Variants in SPAG16 observed in about 807,000 individuals in gnomAD.
SPAG16 encodes sperm associated antigen 16, also known as sperm-associated antigen 16 protein.
In SPAG16, 86 loss-of-function variants were observed where a neutral mutation model predicts 80.4. That is an observed-to-expected ratio of 1.07 (90% CI 0.90 to 1.28). The LOEUF (loss-of-function observed/expected upper bound fraction) is 1.28, where lower values mean the gene tolerates loss of function less well. Ranked by LOEUF, SPAG16 falls within the 50% of genes most tolerant of loss-of-function variation. The probability of loss-of-function intolerance (pLI) is 0.00; values close to 1 mark genes in which losing one functional copy is unlikely to be tolerated. For synonymous variants in SPAG16, 294 were observed against 265.9 expected, an observed-to-expected ratio of 1.11 and a Z score of -1.03; for missense variants, 870 against 765.3, an observed-to-expected ratio of 1.14 and a Z score of -1.61.
intron 12 of SPAG16, among the ~76,000 whole-genome samples, chr2:213,965,860 A>G (rs1043910953): frequency 6.6e-6 from 1 of 152,184 alleles, no homozygotes; most frequent in Non-Finnish European, 1.5e-5. Flanking sequence ...CTTATCTTGG[A>G]ATAACATAGC....
chr2:213,831,932 C>T (rs373892805), intron 10 of SPAG16, among the ~76,000 whole-genome samples: 3 of 152,112 alleles, frequency 2.0e-5, no homozygotes, highest in South Asian at 2.1e-4. Flanking sequence ...GCTCCAAACC[C>T]CATGCTGTTG....
intron 9 of SPAG16, among the ~76,000 whole-genome samples, chr2:213,487,553 A>G (rs187726924): frequency 5.5e-4 from 83 of 152,176 alleles, no homozygotes; most frequent in Non-Finnish European, 1.0e-3. Flanking sequence ...AAGTGAATCT[A>G]TGCTTAGATT....
At chr2:213,505,141 T>C (rs1454630912) in intron 10 of SPAG16, among the ~76,000 whole-genome samples, 1 of 152,190 alleles carries the variant, frequency 6.6e-6, no homozygotes, top group African/African-American at 2.4e-5. Context: ...AAGTAGACCT[T>C]TCTACTTGAC....
intron 9 of SPAG16, among the ~76,000 whole-genome samples, chr2:213,475,930 T>C (rs1182250555): frequency 6.6e-6 from 1 of 152,148 alleles, no homozygotes; most frequent in African/African-American, 2.4e-5. Flanking sequence ...ATTCCTGACA[T>C]GGTGGGAAAA....
chr2:213,625,490 G>A (rs572332581), intron 10 of SPAG16, among the ~76,000 whole-genome samples: 1 of 152,132 alleles, frequency 6.6e-6, no homozygotes, highest in Non-Finnish European at 1.5e-5. Context: ...CTCCCCATCT[G>A]TAGATTATCT....
At chr2:213,765,245 T>C (rs1383977601) in intron 10 of SPAG16, among the ~76,000 whole-genome samples, 1 of 152,152 alleles carries the variant, frequency 6.6e-6, no homozygotes, top group African/African-American at 2.4e-5. Flanking sequence ...GGTGCATGTC[T>C]GTAATCCCAG....
At chr2:214,352,947 G>T (rs1698521782) in intron 15 of SPAG16, among the ~76,000 whole-genome samples, 1 of 152,004 alleles carries the variant, frequency 6.6e-6, no homozygotes, top group African/African-American at 2.4e-5. Context: ...ATAGCTCTCT[G>T]CTGTGGGTTC....
At chr2:213,303,212 T>C (rs1000656373) in intron 3 of SPAG16, among the ~76,000 whole-genome samples, 2 of 152,042 alleles carry the variant, frequency 1.3e-5, no homozygotes, top group African/African-American at 2.4e-5. Flanking sequence ...GTACTTCTTA[T>C]GTAATGTCTT....
chr2:213,566,293 G>C (rs993924595), intron 10 of SPAG16, among the ~76,000 whole-genome samples: 1 of 152,076 alleles, frequency 6.6e-6, no homozygotes, highest in Non-Finnish European at 1.5e-5. Context: ...CTTAGAATCA[G>C]AAGTATTTAA....
chr2:213,556,203 A>G (rs1303946127), intron 10 of SPAG16, among the ~76,000 whole-genome samples: 4 of 151,814 alleles, frequency 2.6e-5, no homozygotes, highest in Admixed American at 2.6e-4. Flanking sequence ...CAACAATAAC[A>G]AAATGGCAGT....
intron 15 of SPAG16, among the ~76,000 whole-genome samples, chr2:214,373,317 C>G (rs1699929901): frequency 1.3e-5 from 2 of 152,096 alleles, no homozygotes; most frequent in African/African-American, 4.8e-5. Flanking sequence ...TTACAGTTTT[C>G]CTTTCATGAT....
chr2:213,297,471 T>C, intron 3 of SPAG16, 114 bp downstream of exon 3: 1 of 555,136 alleles, frequency 1.8e-6, no homozygotes, highest in Non-Finnish European at 3.2e-6. Flanking sequence ...TGTTATATCA[T>C]TTTCATCTCT....
chr2:214,045,722 C>T (rs1367002656), intron 13 of SPAG16, among the ~76,000 whole-genome samples: 1 of 152,030 alleles, frequency 6.6e-6, no homozygotes, highest in East Asian at 1.9e-4. Context: ...TACTAAGAGG[C>T]AAGTTTATAG....
In SPAG16 at chr2:214,317,928, T is replaced by C. The variant is rs1327308596; in HGVS notation, c.1721-92212T>C. ...TTTTTTAGAGTAATCAACATTCTTG[T>C]GAATCAGAAAGCCTTCAAGTATCTT... On this transcript the variant is annotated intron_variant, in intron 15 of 15. Transcript: ENST00000331683. 3.3e-5 allele frequency among the ~76,000 whole-genome samples: 5 copies of C among 152,366 alleles called. No homozygotes were observed. The East Asian group carries it at 9.6e-4, about 29-fold the overall frequency.
intron 12 of SPAG16, among the ~76,000 whole-genome samples, chr2:213,936,132 G>C (rs1027008609): frequency 1.4e-4 from 22 of 152,092 alleles, no homozygotes; most frequent in African/African-American, 5.1e-4. Context: ...AAGCCAAGCA[G>C]ATACTTGGGA....
chr2:213,991,965 G>A (rs1488080328), intron 12 of SPAG16, among the ~76,000 whole-genome samples: 4 of 151,906 alleles, frequency 2.6e-5, no homozygotes, highest in African/African-American at 7.3e-5. Context: ...ATGTTGCTGC[G>A]AGTAGGGCAG....
intron 15 of SPAG16, among the ~76,000 whole-genome samples, chr2:214,169,364 G>A (rs144516595): frequency 1.1e-4 from 17 of 151,902 alleles, no homozygotes; most frequent in East Asian, 3.9e-4. Context: ...AAAGTGTTGC[G>A]CTTAAAAGTG....
chr2:213,851,028 C>T (rs2074877378), intron 10 of SPAG16, among the ~76,000 whole-genome samples: 1 of 151,860 alleles, frequency 6.6e-6, no homozygotes, highest in Non-Finnish European at 1.5e-5. Context: ...CTTTATCCAA[C>T]CTGAAGACTT....
At chr2:213,482,280 T>C (rs1382486676) in intron 9 of SPAG16, among the ~76,000 whole-genome samples, 1 of 152,242 alleles carries the variant, frequency 6.6e-6, no homozygotes, top group African/African-American at 2.4e-5. Context: ...TGCCCCCATG[T>C]TGCTTTTGCT....
Sources: allele counts gnomAD v4.1 joint callset (sites outside exome capture counted in the v4.1 genomes callset), GRCh38; gene constraint gnomAD v4.1.1; transcripts MANE v1.5; gene names NCBI Gene and HGNC (gene_info 2026-07-23, HGNC 2026-07-21).